NALF1: variants seen among roughly 807,000 people sequenced by gnomAD.
NALF1 encodes family with sequence similarity 155 member A.
NALF1 carries 3 observed loss-of-function variants against 48.4 expected under a neutral mutation model. That is an observed-to-expected ratio of 0.06 (90% CI 0.03 to 0.16). NALF1 has a LOEUF of 0.16. Among genes scored for constraint, NALF1 ranks in the 10% least tolerant of loss-of-function variants. NALF1 has a pLI of 1.00. For synonymous variants in NALF1, 262 were observed against 245.7 expected, an observed-to-expected ratio of 1.07 and a Z score of -0.62; for missense variants, 526 against 571.5, an observed-to-expected ratio of 0.92 and a Z score of 0.81.
intron 1 of NALF1, among the ~76,000 whole-genome samples, chr13:107,604,654 T>C (rs981977488): frequency 6.6e-6 from 1 of 152,146 alleles, no homozygotes; most frequent in African/African-American, 2.4e-5. Context: ...ATATGGCATG[T>C]TCCCTCATTA....
intron 1 of NALF1, among the ~76,000 whole-genome samples, chr13:107,611,815 T>C (rs1425036312): frequency 1.3e-5 from 2 of 150,680 alleles, no homozygotes; most frequent in Non-Finnish European, 3.0e-5. Context: ...CTCAGTTACT[T>C]GGGAGGCTGG....
chr13:107,169,853 G>GTTGT lies in NALF1; in HGVS notation c.*640_*643dup, dbSNP rs1195558010. On this transcript the variant is annotated 3_prime_UTR_variant, in exon 3 of 3. Coordinates refer to ENST00000375915, the MANE Select transcript of NALF1 (RefSeq NM_001080396.3). ...GTTACACAGACAGAAGCAAGCGGAT[G>GTTGT]TTGTTTGCTTAGGGGACGAGAAGAG... 6.5e-6 allele frequency: 1 copy of GTTGT among 152,792 alleles called. No homozygotes were observed. Among genetic ancestry groups the GTTGT allele is most frequent in the East Asian group, 1.9e-4 (1 of 5,204 alleles). The allele number at this position is 152,792 out of a possible 1,614,324, so 9.5% of individuals were successfully genotyped here.
intron 1 of NALF1, among the ~76,000 whole-genome samples, chr13:107,575,710 C>T (rs1878120318): frequency 6.6e-6 from 1 of 152,076 alleles, no homozygotes; most frequent in Admixed American, 6.6e-5. Context: ...TCACTTTCAG[C>T]CATCAGTCTG....
At chr13:107,564,832 T>G (rs564784324) in intron 1 of NALF1, among the ~76,000 whole-genome samples, 1 of 152,044 alleles carries the variant, frequency 6.6e-6, no homozygotes, top group African/African-American at 2.4e-5. Context: ...ATACAGTCTC[T>G]TCACCCTCCG....
chr13:107,768,075 GTCTTGTGT>G (rs1877467431), intron 1 of NALF1, among the ~76,000 whole-genome samples: 4 of 152,136 alleles, frequency 2.6e-5, no homozygotes, highest in African/African-American at 9.7e-5. Context: ...TCACTTAAGA[GTCTTGTGT>G]CCTTTGGCCT....
In NALF1 at chr13:107,599,800, T is replaced by C. The variant is rs563567232; in HGVS notation, c.915+265882A>G. ...AATAAAATATGACTTGGTTTCTTTATCTAAACAAGTTGTATAGAGTATGTT... is the reference window on the plus strand; with the variant it reads ...AATAAAATATGACTTGGTTTCTTTACCTAAACAAGTTGTATAGAGTATGTT... On this transcript the variant is annotated intron_variant, in intron 1 of 2. Coordinates refer to ENST00000375915, the MANE Select transcript of NALF1 (RefSeq NM_001080396.3). 3.9e-5 allele frequency among the ~76,000 whole-genome samples: 6 copies of C among 152,328 alleles called. No individual in the cohort carries two copies. In the East Asian group the frequency reaches 1.2e-3, roughly 29 times the overall value.
At chr13:107,841,689 GTTTTATTTTGT>G (rs1266419337) in intron 1 of NALF1, among the ~76,000 whole-genome samples, 1 of 150,400 alleles carries the variant, frequency 6.6e-6, no homozygotes, top group Admixed American at 6.6e-5. Context: ...ACTTTGTTTT[GTTTTATTTTGT>G]TTTAACAAAT....
chr13:107,438,394 T>C (rs1422399961), intron 1 of NALF1, among the ~76,000 whole-genome samples: 1 of 152,198 alleles, frequency 6.6e-6, no homozygotes, highest in African/African-American at 2.4e-5. Flanking sequence ...AGAAACATTA[T>C]TGAAAAATAA....
chr13:107,779,849 A>G (rs1417933263), intron 1 of NALF1, among the ~76,000 whole-genome samples: 1 of 152,214 alleles, frequency 6.6e-6, no homozygotes, highest in African/African-American at 2.4e-5. Context: ...ACAACTCAAT[A>G]TCCCCTTTTC....
At chr13:107,446,460 C>T (rs1312361605) in intron 1 of NALF1, among the ~76,000 whole-genome samples, 1 of 151,694 alleles carries the variant, frequency 6.6e-6, no homozygotes, top group Non-Finnish European at 1.5e-5. Flanking sequence ...TGGAATTACA[C>T]CCTGTATGAT....
In NALF1 at chr13:107,478,579, C is replaced by T. The variant is rs746584994; in HGVS notation, c.916-267824G>A. On this transcript the variant is annotated intron_variant, in intron 1 of 2. Coordinates refer to ENST00000375915, the MANE Select transcript of NALF1 (RefSeq NM_001080396.3). ...TACTATTTTCATAGTACGGATTTTT[C>T]GGAAAGTCAAAACAAAAACAAAGTG... Among the ~76,000 whole-genome samples, 117 of 152,054 alleles carry T rather than the reference C, an allele frequency of 7.7e-4. 1 individual carries two copies. Among genetic ancestry groups the T allele is most frequent in the Non-Finnish European group, 1.3e-3 (89 of 67,958 alleles).
chr13:107,760,257 A>C (rs1877227695), intron 1 of NALF1, among the ~76,000 whole-genome samples: 1 of 152,112 alleles, frequency 6.6e-6, no homozygotes, highest in African/African-American at 2.4e-5. Flanking sequence ...AGAACTCTGG[A>C]CGCCTAAGGA....
intron 1 of NALF1, among the ~76,000 whole-genome samples, chr13:107,465,501 G>A (rs1884987947): frequency 1.3e-5 from 2 of 152,042 alleles, no homozygotes; most frequent in African/African-American, 2.4e-5. Flanking sequence ...AGATTCTGAT[G>A]AGCAAAGTAG....
intron 1 of NALF1, among the ~76,000 whole-genome samples, chr13:107,742,404 G>A (rs1876665675): frequency 6.6e-6 from 1 of 152,192 alleles, no homozygotes; most frequent in Non-Finnish European, 1.5e-5. Flanking sequence ...GAAGGACCCA[G>A]GAGGGGATAA....
chr13:107,847,782 G>A (rs1880210897), intron 1 of NALF1, among the ~76,000 whole-genome samples: 1 of 152,106 alleles, frequency 6.6e-6, no homozygotes, highest in South Asian at 2.1e-4. Context: ...GCTTTGCTGA[G>A]GACACAGCTA....
At position 107,169,712 on chromosome 13, in the gene NALF1, C is replaced by A. The variant is rs567781878; in HGVS notation, c.*785G>T. 6.5e-6 allele frequency: 1 copy of A among 152,690 alleles called. No homozygotes were observed. The highest frequency in any genetic ancestry group is 1.9e-4 in the East Asian group (1 of 5,172). The allele number at this position is 152,690 out of a possible 1,614,324, so 9.5% of individuals were successfully genotyped here. A position where few individuals can be genotyped will look rare whatever the true frequency, so the allele number is the denominator to read the frequency against. The stretch of plus-strand genomic sequence containing the variant: ...GTCTGATTCCACCTATTATGGAGAG[C>A]ACTTGTTTGTTCAGCTAAAAAGGAA... On this transcript the variant is annotated 3_prime_UTR_variant, in exon 3 of 3. Coordinates refer to ENST00000375915, the MANE Select transcript of NALF1 (RefSeq NM_001080396.3).
At chr13:107,224,788 C>G (rs1880068334) in intron 1 of NALF1, among the ~76,000 whole-genome samples, 1 of 152,046 alleles carries the variant, frequency 6.6e-6, no homozygotes, top group African/African-American at 2.4e-5. Context: ...AAATCTCACA[C>G]TGAACTTTGG....
At chr13:107,174,363 A>AT (rs376258353) in intron 2 of NALF1, among the ~76,000 whole-genome samples, 5,550 of 144,214 alleles carry the variant, frequency 0.038, 148 homozygotes, top group South Asian at 0.053. Context: ...TTATTTATTT[A>AT]TTTTTTTTTT....
At chr13:107,210,922 A>C (rs989489992) in intron 1 of NALF1, among the ~76,000 whole-genome samples, 167 bp from the exon 2 acceptor site, 1 of 152,240 alleles carries the variant, frequency 6.6e-6, no homozygotes, top group Admixed American at 6.5e-5. Context: ...ATAAAAACAC[A>C]GCAACGAAAG....
Sources: allele counts gnomAD v4.1 joint callset (sites outside exome capture counted in the v4.1 genomes callset), GRCh38; gene constraint gnomAD v4.1.1; transcripts MANE v1.5; gene names NCBI Gene and HGNC (gene_info 2026-07-23, HGNC 2026-07-21).